Variants in MACROD2 observed in about 807,000 individuals in gnomAD.
The protein encoded by MACROD2 is mono-ADP ribosylhydrolase 2, also known as ADP-ribose glycohydrolase MACROD2.
Under a neutral mutation model 70.4 loss-of-function variants are expected in MACROD2, and 36 were observed. The observed-to-expected ratio is 0.51, with a 90% CI of 0.39 to 0.68. The LOEUF is 0.68. Ranked by LOEUF, MACROD2 falls within the 30% of genes least tolerant of loss-of-function variation. The probability of loss-of-function intolerance (pLI) is 0.00; values close to 1 mark genes in which losing one functional copy is unlikely to be tolerated. For synonymous variants in MACROD2, 172 were observed against 178.8 expected (o/e 0.96, Z 0.30); for missense variants, 496 against 538.4 (o/e 0.92, Z 0.78).
intron 8 of MACROD2, among the ~76,000 whole-genome samples, chr20:15,737,327 C>T (rs1012002166): frequency 1.9e-4 from 29 of 152,334 alleles, no homozygotes; most frequent in African/African-American, 6.7e-4. Flanking sequence ...TATACATCCT[C>T]ATGGTGTTAC....
At chr20:15,882,575 C>T (rs2064769206) in intron 9 of MACROD2, among the ~76,000 whole-genome samples, 1 of 152,032 alleles carries the variant, frequency 6.6e-6, no homozygotes, top group South Asian at 2.1e-4. Context: ...AGAAAATCTT[C>T]ACCCTGTGCT....
chr20:15,224,964 A>C (rs923781099), intron 5 of MACROD2, among the ~76,000 whole-genome samples: 1 of 151,436 alleles, frequency 6.6e-6, no homozygotes, highest in African/African-American at 2.4e-5. Context: ...TGTCTTAAAA[A>C]AAAAAAAAAA....
chr20:14,085,473 AC>A (rs2054065036), intron 2 of MACROD2, 147 bp from the exon 3 acceptor site: 1 of 416,328 alleles, frequency 2.4e-6, no homozygotes, highest in Non-Finnish European at 4.3e-6. Context: ...AATAAACCAC[AC>A]CCCTTGTACT....
chr20:14,144,672 CA>C (rs949310522), intron 3 of MACROD2, among the ~76,000 whole-genome samples: 4 of 152,188 alleles, frequency 2.6e-5, no homozygotes, highest in African/African-American at 9.7e-5. Context: ...CTTAAGCAGT[CA>C]TTTTTTTACA....
chr20:14,766,142 T>C (rs1226029285), intron 5 of MACROD2, among the ~76,000 whole-genome samples: 1 of 151,902 alleles, frequency 6.6e-6, no homozygotes. Flanking sequence ...ATGGTGTGTG[T>C]GTGTGTACAC....
intron 5 of MACROD2, among the ~76,000 whole-genome samples, chr20:15,138,389 CATGTGAA>C (rs2076166621): frequency 6.6e-6 from 1 of 152,076 alleles, no homozygotes; most frequent in Admixed American, 6.6e-5. Context: ...AGAATTTATG[CATGTGAA>C]ATGTCTCATA....
At chr20:15,626,547 T>C (rs763302841) in intron 8 of MACROD2, among the ~76,000 whole-genome samples, 1 of 152,148 alleles carries the variant, frequency 6.6e-6, no homozygotes, top group Non-Finnish European at 1.5e-5. Flanking sequence ...TATATTATGT[T>C]ATGGAGATTT....
chr20:14,788,811 C>T (rs1245797866), intron 5 of MACROD2, among the ~76,000 whole-genome samples: 3 of 145,328 alleles, frequency 2.1e-5, no homozygotes, highest in Non-Finnish European at 3.0e-5. Flanking sequence ...CTCTGTCCCC[C>T]AGGCTGGAGT....
chr20:14,605,016 A>T (rs1294066962), intron 4 of MACROD2, among the ~76,000 whole-genome samples: 1 of 152,198 alleles, frequency 6.6e-6, no homozygotes, highest in Non-Finnish European at 1.5e-5. Context: ...TACAGTTTGC[A>T]CTTGTATATT....
intron 6 of MACROD2, among the ~76,000 whole-genome samples, chr20:15,397,329 T>G (rs930461980): frequency 6.6e-5 from 10 of 152,198 alleles, no homozygotes; most frequent in African/African-American, 2.4e-4. Flanking sequence ...AGAGTCTCAC[T>G]CTGTTGCCAA....
intron 8 of MACROD2, among the ~76,000 whole-genome samples, chr20:15,829,572 G>T (rs2147114611): frequency 6.6e-6 from 1 of 152,236 alleles, no homozygotes; most frequent in East Asian, 1.9e-4. Context: ...GCTCCAGTTG[G>T]TTCCTTCATT....
chr20:15,683,343 A>C (rs1051155811), intron 8 of MACROD2, among the ~76,000 whole-genome samples: 1 of 152,238 alleles, frequency 6.6e-6, no homozygotes, highest in Non-Finnish European at 1.5e-5. Flanking sequence ...TGAATTGTTC[A>C]ATCTCTCTTT....
intron 5 of MACROD2, among the ~76,000 whole-genome samples, chr20:15,044,754 C>T (rs2075380219): frequency 1.3e-5 from 2 of 152,140 alleles, no homozygotes. Flanking sequence ...GTCACTAGCT[C>T]TGGGGGTTGC....
At chr20:14,347,470 G>C (rs998726755) in intron 3 of MACROD2, among the ~76,000 whole-genome samples, 2 of 152,072 alleles carry the variant, frequency 1.3e-5, no homozygotes, top group Non-Finnish European at 2.9e-5. Context: ...AAGAGTAGTG[G>C]ACAGCTAAAT....
intron 5 of MACROD2, among the ~76,000 whole-genome samples, chr20:14,803,778 G>A (rs1000359385): frequency 3.3e-5 from 5 of 152,040 alleles, no homozygotes; most frequent in Non-Finnish European, 7.4e-5. Flanking sequence ...ACGGCACCTG[G>A]CCTGTTCTTT....
intron 6 of MACROD2, among the ~76,000 whole-genome samples, chr20:15,284,329 G>A (rs1306598516): frequency 1.3e-5 from 2 of 152,062 alleles, no homozygotes; most frequent in Non-Finnish European, 2.9e-5. Context: ...TCCATTTAGA[G>A]TCAGCTCATT....
intron 3 of MACROD2, among the ~76,000 whole-genome samples, chr20:14,411,791 C>G (rs2083752619): frequency 6.6e-6 from 1 of 152,036 alleles, no homozygotes; most frequent in African/African-American, 2.4e-5. Context: ...GACTGTGCAA[C>G]TATGGGGGGC....
chr20:15,760,532 C>T (rs901530121), intron 8 of MACROD2, among the ~76,000 whole-genome samples: 2 of 152,154 alleles, frequency 1.3e-5, no homozygotes, highest in Non-Finnish European at 2.9e-5. Context: ...GAAAACCAGG[C>T]ACTGCACGGC....
At chr20:16,017,307 A>ATAT (rs138777277) in intron 15 of MACROD2, among the ~76,000 whole-genome samples, 6,508 of 152,250 alleles carry the variant, frequency 0.043, 381 homozygotes, top group East Asian at 0.15. Context: ...GGCTGCAAGG[A>ATAT]TATTTTCTGC....
Sources: gnomAD v4.1 joint callset for allele counts (sites outside exome capture counted in the v4.1 genomes callset) on GRCh38, gnomAD v4.1.1 for gene constraint, MANE v1.5 for transcripts, NCBI Gene and HGNC (gene_info 2026-07-23, HGNC 2026-07-21) for gene names.